The following COMMD10 variants were observed in gnomAD, a reference collection of about 807,000 sequenced individuals.
COMMD10 encodes COMM domain containing 10, also known as COMM domain-containing protein 10.
COMMD10 carries 33 observed loss-of-function variants against 28.9 expected under a neutral mutation model. That is an observed-to-expected ratio of 1.14 (90% CI 0.87 to 1.53). The LOEUF is 1.53. Among genes scored for constraint, COMMD10 ranks in the 40% most tolerant of loss-of-function variants. The pLI is 0.00. For missense variants in COMMD10, 310 were observed against 233.4 expected, an observed-to-expected ratio of 1.33 and a Z score of -2.14; for synonymous variants, 110 against 81.7, an observed-to-expected ratio of 1.35 and a Z score of -1.87.
At chr5:116,183,507 C>A (rs903693930) in intron 5 of COMMD10, among the ~76,000 whole-genome samples, 12 of 152,062 alleles carry the variant, frequency 7.9e-5, no homozygotes, top group African/African-American at 2.9e-4. Context: ...TAACCCATAT[C>A]CTTATGAAAG....
At chr5:116,099,988 A>T (rs1750604147) in intron 4 of COMMD10, among the ~76,000 whole-genome samples, 1 of 152,304 alleles carries the variant, frequency 6.6e-6, no homozygotes, top group South Asian at 2.1e-4. Context: ...GATGGTAAGC[A>T]AGTCTAAACA....
At chr5:116,245,793 C>T (rs771173109) in intron 5 of COMMD10, among the ~76,000 whole-genome samples, 1 of 150,818 alleles carries the variant, frequency 6.6e-6, no homozygotes, top group Non-Finnish European at 1.5e-5. Flanking sequence ...TTCATACCTT[C>T]GTGTTTAAAA....
chr5:116,126,779 A>T (rs193030194), intron 4 of COMMD10, among the ~76,000 whole-genome samples: 1 of 152,222 alleles, frequency 6.6e-6, no homozygotes, highest in East Asian at 1.9e-4. Flanking sequence ...TTAATTCAAG[A>T]TAGTTTAAAG....
At chr5:116,253,993 C>T (rs951645573) in intron 5 of COMMD10, among the ~76,000 whole-genome samples, 2 of 152,138 alleles carry the variant, frequency 1.3e-5, no homozygotes, top group African/African-American at 2.4e-5. Context: ...TTGGTCTTTT[C>T]AGAGATTGAA....
At chr5:116,133,637 T>C (rs1325737858) in intron 4 of COMMD10, among the ~76,000 whole-genome samples, 1 of 152,170 alleles carries the variant, frequency 6.6e-6, no homozygotes, top group Non-Finnish European at 1.5e-5. Flanking sequence ...CGCAAAGATT[T>C]TGGAAGATAG....
rs144039255 is a variant in COMMD10 at position 116,220,987 on chromosome 5, C to T, written c.511-70530C>T. ...TAGTTGTTTGGTGCCTATTGTCCTA[C>T]AATCACAAAGACCTTAGATTATAAT... is the stretch of plus-strand genomic sequence containing the variant. On this transcript the variant is annotated intron_variant, in intron 5 of 6. Transcript: ENST00000274458. 3.2e-3 allele frequency among the ~76,000 whole-genome samples: 480 copies of T among 152,018 alleles called. 3 individuals are homozygous for T. The highest frequency in any genetic ancestry group is 6.8e-3 in the Middle Eastern group (2 of 294).
rs930170218 is a variant in COMMD10 at position 116,123,867 on chromosome 5, A to G, written c.400-10201A>G. On this transcript the variant is annotated intron_variant, in intron 4 of 6. Transcript: ENST00000274458. ...CTAGTTTATTTGCATAGAGGTGTTT[A>G]TAGTATTCTCTGATGGTAGTTTGCA... 2.0e-5 allele frequency among the ~76,000 whole-genome samples: 3 copies of G among 151,954 alleles called. No homozygotes were observed. The East Asian group carries it at 5.8e-4, about 29-fold the overall frequency.
intron 5 of COMMD10, among the ~76,000 whole-genome samples, chr5:116,245,976 A>C (rs923971154): frequency 4.6e-5 from 7 of 152,102 alleles, no homozygotes; most frequent in Non-Finnish European, 1.0e-4. Context: ...TATTGGAAGT[A>C]CTGGCCAGGG....
At chr5:116,242,623 T>C (rs1310660316) in intron 5 of COMMD10, among the ~76,000 whole-genome samples, 2 of 152,180 alleles carry the variant, frequency 1.3e-5, no homozygotes, top group Non-Finnish European at 2.9e-5. Flanking sequence ...CAAGTACTTT[T>C]GACCCAGTGG....
Position 116,087,492 on chromosome 5 carries a change from T to C in COMMD10, c.42-5T>C. On this transcript the variant is annotated splice_region_variant and splice_polypyrimidine_tract_variant and intron_variant, in intron 1 of 6. Coordinates refer to ENST00000274458, the MANE Select transcript of COMMD10 (RefSeq NM_016144.4). ...TTCAAAACTCTGTTTTATAATTTTG[T>C]TTAGCATGAAGAAAGCAGTGTCACT... 1 of 1,582,080 alleles carries C rather than the reference T, an allele frequency of 6.3e-7. No individual in the cohort carries two copies. The highest frequency in any genetic ancestry group is 1.3e-5 in the African/African-American group (1 of 74,424).
intron 5 of COMMD10, among the ~76,000 whole-genome samples, chr5:116,148,631 C>A (rs1182717005): frequency 1.3e-5 from 2 of 151,432 alleles, no homozygotes; most frequent in Non-Finnish European, 2.9e-5. Context: ...GTGGATTTGT[C>A]AATGGATTCT....
chr5:116,099,739 CT>C (rs574964625), intron 4 of COMMD10, among the ~76,000 whole-genome samples: 1 of 151,856 alleles, frequency 6.6e-6, no homozygotes, highest in Non-Finnish European at 1.5e-5. Flanking sequence ...ATTTTTATGC[CT>C]TTTTTTGGTG....
At chr5:116,205,478 T>A (rs189230121) in intron 5 of COMMD10, among the ~76,000 whole-genome samples, 1 of 152,312 alleles carries the variant, frequency 6.6e-6, no homozygotes, top group Admixed American at 6.5e-5. Flanking sequence ...TAGGAAACTT[T>A]TCTAGCCTTC....
rs937158736 is a variant in COMMD10, at chr5:116,087,688, A to G, written c.132+101A>G. The G allele has an allele frequency of 1.4e-5, 11 of 767,232 alleles. No individual in the cohort carries two copies. The African/African-American group carries it at 1.9e-4, about 13-fold the overall frequency. 47.5% of individuals were successfully genotyped at this position (767,232 alleles called of 1,614,324 possible). The stretch of plus-strand genomic sequence containing the variant: ...TTTGCAAAGCATAGTGTTCTCCAAT[A>G]TGTTCTTAGAGACACTGGTTCTGTG... On this transcript the variant is annotated intron_variant, in intron 2 of 6. Transcript: ENST00000274458.
At chr5:116,283,876 T>A (rs1278042227) in intron 5 of COMMD10, among the ~76,000 whole-genome samples, 1 of 151,798 alleles carries the variant, frequency 6.6e-6, no homozygotes, top group Non-Finnish European at 1.5e-5. Context: ...ATGCCTGTAA[T>A]CCCAACACTT....
intron 5 of COMMD10, among the ~76,000 whole-genome samples, chr5:116,166,846 C>T (rs944854335): frequency 4.6e-5 from 7 of 152,192 alleles, no homozygotes; most frequent in African/African-American, 1.7e-4. Context: ...CCGAAGGTCA[C>T]CAACATCAAA....
chr5:116,245,397 C>T (rs1217223903), intron 5 of COMMD10, among the ~76,000 whole-genome samples: 2 of 152,080 alleles, frequency 1.3e-5, no homozygotes, highest in African/African-American at 4.8e-5. Flanking sequence ...GTATTCACAT[C>T]TGAATTCTCC....
At chr5:116,217,836 C>T (rs551312358) in intron 5 of COMMD10, among the ~76,000 whole-genome samples, 40 of 152,042 alleles carry the variant, frequency 2.6e-4, no homozygotes, top group East Asian at 1.6e-3. Context: ...AATCCAGCTT[C>T]GAAGACACCC....
intron 5 of COMMD10, among the ~76,000 whole-genome samples, chr5:116,266,383 G>T (rs1370833024): frequency 6.6e-6 from 1 of 151,598 alleles, no homozygotes; most frequent in African/African-American, 2.4e-5. Context: ...CAATGGAAAG[G>T]AGTTGCCCAA....
Sources: allele counts gnomAD v4.1 joint callset (sites outside exome capture counted in the v4.1 genomes callset), GRCh38; gene constraint gnomAD v4.1.1; transcripts MANE v1.5; gene names NCBI Gene and HGNC (gene_info 2026-07-23, HGNC 2026-07-21).